Variants in DTNB observed in about 807,000 individuals in gnomAD.
DTNB encodes DTN-B.
Under a neutral mutation model 90.7 loss-of-function variants are expected in DTNB, and 63 were observed. The ratio of observed to expected loss-of-function variants is 0.69; its 90% CI spans 0.57 to 0.86. The LOEUF (loss-of-function observed/expected upper bound fraction) is 0.86, where lower values mean the gene tolerates loss of function less well. Among genes scored for constraint, DTNB ranks in the 40% least tolerant of loss-of-function variants. The pLI, the probability that DTNB is intolerant of heterozygous loss-of-function variation, is 0.00. For synonymous variants in DTNB, 277 were observed against 286.7 expected (o/e 0.97, Z 0.34); for missense variants, 744 against 807.1 (o/e 0.92, Z 0.95).
At chr2:25,555,706 C>T (rs868670590) in intron 8 of DTNB, among the ~76,000 whole-genome samples, 55 of 152,274 alleles carry the variant, frequency 3.6e-4, no homozygotes, top group African/African-American at 1.3e-3. Context: ...ATTATGACTA[C>T]CTATTTAATA....
In DTNB at chr2:25,544,318, T is replaced by A. The variant is rs555743409; in HGVS notation, c.877-12721A>T. Reference sequence around the variant, plus strand: ...CCATGAACCAGGCACTGCGATACTCTGCAAAACTTTTTCTTGAGCTCAGAT... The same window carrying A: ...CCATGAACCAGGCACTGCGATACTCAGCAAAACTTTTTCTTGAGCTCAGAT... On this transcript the variant is annotated intron_variant, in intron 8 of 20. Transcript: ENST00000406818. Among the ~76,000 whole-genome samples the A allele has an allele frequency of 9.8e-5, 15 of 152,342 alleles. No homozygotes were observed. In the South Asian group the frequency reaches 3.1e-3, roughly 32 times the overall value.
At chr2:25,392,646 G>A (rs2041456854) in intron 16 of DTNB, among the ~76,000 whole-genome samples, 2 of 152,090 alleles carry the variant, frequency 1.3e-5, no homozygotes, top group African/African-American at 4.8e-5. Context: ...AAACCTAGAG[G>A]AAATGGATAA....
At chr2:25,382,590 G>A (rs1284166074) in intron 19 of DTNB, among the ~76,000 whole-genome samples, 1 of 135,136 alleles carries the variant, frequency 7.4e-6, no homozygotes, top group Non-Finnish European at 1.5e-5. Context: ...GTGCAGTTGC[G>A]TGATCTTGGC....
intron 1 of DTNB, 119 bp from the exon 2 acceptor site, chr2:25,652,780 T>C (rs2081227994): frequency 4.4e-6 from 4 of 919,210 alleles, no homozygotes; most frequent in African/African-American, 1.7e-5. Flanking sequence ...TTTAAGACAG[T>C]ATCAGTAAAA....
intron 4 of DTNB, among the ~76,000 whole-genome samples, chr2:25,614,903 A>G (rs2069796646): frequency 6.6e-6 from 1 of 152,184 alleles, no homozygotes; most frequent in Admixed American, 6.5e-5. Context: ...CTATAATCTG[A>G]TTCAAGTCCG....
At chr2:25,516,916 T>C (rs3100635) in intron 9 of DTNB, among the ~76,000 whole-genome samples, 136,130 of 152,226 alleles carry the variant, frequency 0.89, 60,985 homozygotes, top group East Asian at 0.96. Flanking sequence ...AAAAGTTAAA[T>C]ATATGCTTGC....
chr2:25,384,211 G>A (rs2038795863), intron 18 of DTNB, among the ~76,000 whole-genome samples: 3 of 152,206 alleles, frequency 2.0e-5, no homozygotes, highest in Non-Finnish European at 4.4e-5. Flanking sequence ...GTGATGACCA[G>A]GGAGACATCT....
intron 8 of DTNB, among the ~76,000 whole-genome samples, chr2:25,533,049 C>G (rs919587055): frequency 1.7e-4 from 26 of 152,298 alleles, no homozygotes; most frequent in Admixed American, 1.6e-3. Context: ...CTTGGTCAGG[C>G]ACAGTGGCAC....
intron 8 of DTNB, among the ~76,000 whole-genome samples, chr2:25,564,867 T>C (rs1291243554): frequency 6.6e-6 from 1 of 152,252 alleles, no homozygotes; most frequent in African/African-American, 2.4e-5. Flanking sequence ...TTTTTTGAAG[T>C]AGGTTGGTAC....
At chr2:25,601,797 G>A (rs889251797) in intron 5 of DTNB, among the ~76,000 whole-genome samples, 2 of 151,998 alleles carry the variant, frequency 1.3e-5, no homozygotes, top group Admixed American at 1.3e-4. Flanking sequence ...ACACAACTAG[G>A]CCCGAGTGCA....
chr2:25,410,774 C>T (rs2046386340), intron 16 of DTNB, among the ~76,000 whole-genome samples: 2 of 151,958 alleles, frequency 1.3e-5, no homozygotes, highest in Admixed American at 6.6e-5. Flanking sequence ...CTGGAATGTG[C>T]GATAAAAAGA....
At chr2:25,567,123 T>C (rs2059158498) in intron 8 of DTNB, among the ~76,000 whole-genome samples, 1 of 152,218 alleles carries the variant, frequency 6.6e-6, no homozygotes, top group African/African-American at 2.4e-5. Flanking sequence ...GTCTTAGCTC[T>C]TGCTTGCCAC....
At chr2:25,467,691 TTC>T in intron 10 of DTNB, among the ~76,000 whole-genome samples, 1 of 152,210 alleles carries the variant, frequency 6.6e-6, no homozygotes, top group Non-Finnish European at 1.5e-5. Flanking sequence ...AGCTCTGAAA[TTC>T]TGAGTCTAAG....
In DTNB at chr2:25,599,832, C is replaced by T. The variant is rs375552762; in HGVS notation, c.449-3592G>A. Among the ~76,000 whole-genome samples the T allele has an allele frequency of 8.5e-4, 129 of 152,256 alleles. 1 individual carries two copies. The highest frequency in any genetic ancestry group is 2.9e-3 in the African/African-American group (121 of 41,554). Reference sequence around the variant, plus strand: ...GCTGCTGGTCAGGCGTGGTGGCTCACACCTGTAATCCCAGAACTTTGGGAG... The same window carrying T: ...GCTGCTGGTCAGGCGTGGTGGCTCATACCTGTAATCCCAGAACTTTGGGAG... On this transcript the variant is annotated intron_variant, in intron 5 of 20. Coordinates refer to ENST00000406818, the MANE Select transcript of DTNB (RefSeq NM_021907.5).
intron 16 of DTNB, among the ~76,000 whole-genome samples, chr2:25,415,154 A>G (rs2047578124): frequency 6.6e-6 from 1 of 152,144 alleles, no homozygotes; most frequent in South Asian, 2.1e-4. Flanking sequence ...CATTTCTCTC[A>G]AGTTTCCCAA....
At chr2:25,587,077 A>G (rs1206396448) in intron 6 of DTNB, among the ~76,000 whole-genome samples, 1 of 152,134 alleles carries the variant, frequency 6.6e-6, no homozygotes, top group Non-Finnish European at 1.5e-5. Context: ...TAAGGGTAGG[A>G]ACAGGAGAGG....
chr2:25,491,152 C>CACAG (rs1553453710), intron 9 of DTNB, among the ~76,000 whole-genome samples: 1 of 74,628 alleles, frequency 1.3e-5, no homozygotes, highest in Non-Finnish European at 2.3e-5. Flanking sequence ...CACACACACA[C>CACAG]ACACAGACAC....
In DTNB at chr2:25,536,468, G is replaced by A. The variant is rs181834672; in HGVS notation, c.877-4871C>T. ...TGCAATCCCAGCACCTCGGGAGGCC[G>A]AGGCGGGCAGATCACCCGAGGCCAG... On this transcript the variant is annotated intron_variant, in intron 8 of 20. Transcript: ENST00000406818. 1.5e-4 allele frequency among the ~76,000 whole-genome samples: 23 copies of A among 152,296 alleles called. No individual in the cohort carries two copies. In the East Asian group the frequency reaches 2.5e-3, roughly 17 times the overall value.
At chr2:25,670,124 G>T (rs1268306755) in intron 1 of DTNB, among the ~76,000 whole-genome samples, 1 of 152,188 alleles carries the variant, frequency 6.6e-6, no homozygotes. Flanking sequence ...TAGTAGTTAA[G>T]AAGACTCAGG....
Sources: gnomAD v4.1 joint callset for allele counts (sites outside exome capture counted in the v4.1 genomes callset) on GRCh38, gnomAD v4.1.1 for gene constraint, MANE v1.5 for transcripts, NCBI Gene and HGNC (gene_info 2026-07-23, HGNC 2026-07-21) for gene names.